The following CPPED1 variants were observed in gnomAD, a reference collection of about 807,000 sequenced individuals.
CPPED1 encodes the protein serine/threonine-protein phosphatase CPPED1.
CPPED1 carries 28 observed loss-of-function variants against 28.0 expected under a neutral mutation model. That is an observed-to-expected ratio of 1.00 (90% confidence interval 0.74 to 1.37). CPPED1 has a LOEUF of 1.37. Among genes scored for constraint, CPPED1 ranks in the 40% most tolerant of loss-of-function variants. The pLI is 0.00. For missense variants in CPPED1, 504 were observed against 416.5 expected (o/e 1.21, Z -1.83); for synonymous variants, 198 against 180.2 (o/e 1.10, Z -0.79).
chr16:12,697,772 C>T (rs1541807), intron 3 of CPPED1, among the ~76,000 whole-genome samples: 2 of 151,896 alleles, frequency 1.3e-5, no homozygotes, highest in South Asian at 2.1e-4. Flanking sequence ...GACCCTTTAC[C>T]GAAAAGTTCT....
chr16:12,759,775 G>A (rs907677041), intron 2 of CPPED1, among the ~76,000 whole-genome samples: 7 of 152,188 alleles, frequency 4.6e-5, no homozygotes, highest in African/African-American at 1.4e-4. Context: ...TGTGAAAAAG[G>A]TGCTTGCTTC....
At chr16:12,689,436 C>T (rs549656488) in intron 3 of CPPED1, among the ~76,000 whole-genome samples, 1 of 119,508 alleles carries the variant, frequency 8.4e-6, no homozygotes, top group South Asian at 2.9e-4. Flanking sequence ...TGCTATGTTG[C>T]CCAGGCTGGT....
At chr16:12,773,926 C>T (rs972122689) in intron 2 of CPPED1, among the ~76,000 whole-genome samples, 8 of 152,002 alleles carry the variant, frequency 5.3e-5, no homozygotes, top group African/African-American at 1.7e-4. Context: ...ACCATTAACA[C>T]GGGAGAAAAC....
At chr16:12,773,147 C>A (rs1056401438) in intron 2 of CPPED1, among the ~76,000 whole-genome samples, 1 of 152,202 alleles carries the variant, frequency 6.6e-6, no homozygotes, top group African/African-American at 2.4e-5. Flanking sequence ...TTGTAGCTCT[C>A]TTAAGCATTC....
intron 2 of CPPED1, among the ~76,000 whole-genome samples, chr16:12,765,538 T>G (rs540124825): frequency 1.4e-4 from 21 of 152,242 alleles, no homozygotes; most frequent in Non-Finnish European, 2.2e-4. Flanking sequence ...AGGTATATTA[T>G]CCAAGTGAAA....
intron 2 of CPPED1, among the ~76,000 whole-genome samples, chr16:12,744,139 G>T (rs1340992119): frequency 1.3e-5 from 2 of 152,118 alleles, no homozygotes; most frequent in Non-Finnish European, 2.9e-5. Context: ...AGCCGGGCGT[G>T]GTGGCAGGTG....
chr16:12,698,603 T>C (rs955991918), intron 3 of CPPED1, among the ~76,000 whole-genome samples: 2 of 152,126 alleles, frequency 1.3e-5, no homozygotes, highest in Non-Finnish European at 2.9e-5. Context: ...GGCTAATTTC[T>C]ATATTTTAGT....
At chr16:12,796,895 G>A (rs1443408952) in intron 1 of CPPED1, among the ~76,000 whole-genome samples, 2 of 152,098 alleles carry the variant, frequency 1.3e-5, no homozygotes, top group African/African-American at 4.8e-5. Context: ...AACAAAATGG[G>A]TTATCTATAC....
At chr16:12,731,157 T>A (rs982631065) in intron 2 of CPPED1, among the ~76,000 whole-genome samples, 19 of 36,028 alleles carry the variant, frequency 5.3e-4, no homozygotes, top group South Asian at 1.3e-3. Flanking sequence ...AAAAAAAAAT[T>A]TTTTTTTTTT....
chr16:12,734,887 G>A (rs1331536943), intron 2 of CPPED1, among the ~76,000 whole-genome samples: 1 of 152,110 alleles, frequency 6.6e-6, no homozygotes, highest in Non-Finnish European at 1.5e-5. Context: ...ATGAACCTGG[G>A]TCAGGTGGTA....
intron 1 of CPPED1, among the ~76,000 whole-genome samples, chr16:12,795,428 C>T (rs575888300): frequency 2.4e-4 from 36 of 152,344 alleles, no homozygotes; most frequent in African/African-American, 8.7e-4. Flanking sequence ...CAAACTCCGC[C>T]TCCCAGGCGC....
chr16:12,728,930 G>A (rs1288901141), intron 2 of CPPED1, among the ~76,000 whole-genome samples: 1 of 152,168 alleles, frequency 6.6e-6, no homozygotes, highest in Non-Finnish European at 1.5e-5. Context: ...CACTGGGGCG[G>A]GACCTGGATA....
chr16:12,779,543 C>T (rs530944417), intron 2 of CPPED1, among the ~76,000 whole-genome samples: 1 of 152,086 alleles, frequency 6.6e-6, no homozygotes, highest in Non-Finnish European at 1.5e-5. Context: ...TGCCTGCCAC[C>T]ACACCCGGCT....
intron 1 of CPPED1, among the ~76,000 whole-genome samples, chr16:12,783,812 C>T (rs572820644): frequency 1.3e-5 from 2 of 152,302 alleles, no homozygotes; most frequent in African/African-American, 4.8e-5. Context: ...ACTTACAGCA[C>T]AGTGTTCAAT....
intron 3 of CPPED1, among the ~76,000 whole-genome samples, chr16:12,701,170 AGTG>A (rs2080018415): frequency 1.3e-5 from 2 of 151,874 alleles, no homozygotes; most frequent in Non-Finnish European, 2.9e-5. Flanking sequence ...CCAGGGCTGC[AGTG>A]AGCTATGATC....
At chr16:12,763,724 C>CA (rs2080423035) in intron 2 of CPPED1, among the ~76,000 whole-genome samples, 2 of 152,324 alleles carry the variant, frequency 1.3e-5, no homozygotes, top group South Asian at 2.1e-4. Context: ...AGCCATCTGA[C>CA]ATCACAGGCC....
chr16:12,784,995 C>A (rs950823379), intron 1 of CPPED1, among the ~76,000 whole-genome samples: 4 of 152,200 alleles, frequency 2.6e-5, no homozygotes, highest in African/African-American at 9.6e-5. Context: ...TATCAGTATT[C>A]AATCTACCTT....
chr16:12,686,880 T>A (rs2079936240), intron 3 of CPPED1, among the ~76,000 whole-genome samples: 1 of 152,222 alleles, frequency 6.6e-6, no homozygotes, highest in African/African-American at 2.4e-5. Flanking sequence ...TGGCATAATT[T>A]TTTTTTTGAA....
At position 12,803,723 on chromosome 16, in the gene CPPED1, C is replaced by A. The variant is rs371241955; in HGVS notation, c.54G>T (p.Leu18=). 1.9e-6 allele frequency: 3 copies of A among 1,584,116 alleles called. No individual in the cohort carries two copies. The highest frequency in any genetic ancestry group is 2.6e-6 in the Non-Finnish European group (3 of 1,167,144). The change falls in exon 1 of 4, where the codon CTG becomes CTT. Residue 18 remains leucine (L), a synonymous_variant. Transcript: ENST00000381774. ...GVFHRARGRT[L]AAFPAEKESE... The stretch of plus-strand genomic sequence containing the variant: ...GGGCAGTACCTGCGGGAAACGCGGC[C>A]AGGGTCCTGCCCCTGGCTCTGTGGA...
Sources: gnomAD v4.1 joint callset for allele counts (sites outside exome capture counted in the v4.1 genomes callset) on GRCh38, gnomAD v4.1.1 for gene constraint, MANE v1.5 for transcripts, NCBI Gene and HGNC (gene_info 2026-07-23, HGNC 2026-07-21) for gene names.